Variants in PEPD observed in about 807,000 individuals in gnomAD.
PEPD encodes peptidase D, also known as xaa-Pro dipeptidase.
A neutral mutation model predicts 60.7 loss-of-function variants in PEPD; 53 were observed. That is an observed-to-expected ratio of 0.87 (90% CI 0.70 to 1.10). The LOEUF is 1.10. Among genes scored for constraint, PEPD ranks in the 50% least tolerant of loss-of-function variants. The probability of loss-of-function intolerance (pLI) is 0.00; values close to 1 mark genes in which losing one functional copy is unlikely to be tolerated. For synonymous variants in PEPD, 267 were observed against 284.1 expected (o/e 0.94, Z 0.60); for missense variants, 711 against 711.9 (o/e 1.00, Z 0.01).
In PEPD at chr19:33,411,705, G is replaced by T; in HGVS notation, c.785C>A (p.Pro262His). Residue 262 changes from proline to histidine, a missense_variant, in exon 11 of 15, where the codon CCC becomes CAC. Transcript: ENST00000244137. ...AVLHYGHAGA[P>H]NDRTIQNGDM... is the part of the protein sequence containing the mutation. ...CCCATTCTGGATCGTTCGGTCGTTGGGAGCTCCGGCGTGTCCGTAGTGTAG... is the reference window on the plus strand; with the variant it reads ...CCCATTCTGGATCGTTCGGTCGTTGTGAGCTCCGGCGTGTCCGTAGTGTAG... The T allele has an allele frequency of 6.2e-7, 1 of 1,611,422 alleles. No individual in the cohort carries two copies. The highest frequency in any genetic ancestry group is 2.2e-5 in the East Asian group (1 of 44,866).
intron 12 of PEPD, among the ~76,000 whole-genome samples, chr19:33,392,720 A>G (rs1968254591): frequency 6.6e-6 from 1 of 152,280 alleles, no homozygotes; most frequent in Middle Eastern, 3.4e-3. Flanking sequence ...CATGGTCCCG[A>G]TCACTGCTGT....
At chr19:33,428,837 G>A (rs73588234) in intron 9 of PEPD, among the ~76,000 whole-genome samples, 1,780 of 152,324 alleles carry the variant, frequency 0.012, 36 homozygotes, top group African/African-American at 0.04. Context: ...AAAGGGTAAC[G>A]GATGGCAGGA....
chr19:33,395,410 C>A (rs1315522997), intron 12 of PEPD, among the ~76,000 whole-genome samples: 1 of 152,172 alleles, frequency 6.6e-6, no homozygotes, highest in African/African-American at 2.4e-5. Flanking sequence ...CAGTGTTGTG[C>A]CCCATCCCCC....
chr19:33,469,385 C>A (rs933743183), intron 7 of PEPD, among the ~76,000 whole-genome samples: 1 of 152,198 alleles, frequency 6.6e-6, no homozygotes, highest in Non-Finnish European at 1.5e-5. Flanking sequence ...CAGGGGAACC[C>A]GCAGGAGGGC....
At chr19:33,440,622 C>T (rs1045706153) in intron 9 of PEPD, among the ~76,000 whole-genome samples, 6 of 152,164 alleles carry the variant, frequency 3.9e-5, no homozygotes, top group Admixed American at 6.5e-5. Context: ...CTTGACTGTC[C>T]GCTCTGTGCA....
At chr19:33,413,380 T>C (rs1329703713) in intron 10 of PEPD, among the ~76,000 whole-genome samples, 195 bp downstream of exon 10, 1 of 152,168 alleles carries the variant, frequency 6.6e-6, no homozygotes, top group African/African-American at 2.4e-5. Context: ...CAGTGCCAGG[T>C]CCTGCAGGCA....
intron 12 of PEPD, among the ~76,000 whole-genome samples, chr19:33,401,430 A>G (rs1848734533): frequency 6.6e-6 from 1 of 152,236 alleles, no homozygotes; most frequent in South Asian, 2.1e-4. Context: ...AGCAGGAGAC[A>G]GGCTGGCGTG....
chr19:33,451,115 G>A (rs1351839239), intron 9 of PEPD, among the ~76,000 whole-genome samples: 2 of 152,222 alleles, frequency 1.3e-5, no homozygotes, highest in Admixed American at 6.5e-5. Context: ...TGCAGGGGTA[G>A]TCACGGAGCT....
At chr19:33,512,868 G>A in intron 1 of PEPD, 92 bp from the exon 2 acceptor site, 1 of 1,422,382 alleles carries the variant, frequency 7.0e-7, no homozygotes, top group Non-Finnish European at 9.9e-7. Flanking sequence ...GGAGGCCCGA[G>A]CCTGCCGTGG....
intron 9 of PEPD, among the ~76,000 whole-genome samples, chr19:33,444,895 T>C (rs185206602): frequency 1.3e-5 from 2 of 152,236 alleles, no homozygotes; most frequent in East Asian, 3.9e-4. Context: ...CTGGACAACA[T>C]TTTATCACAG....
At chr19:33,489,935 T>C (rs1970465988) in intron 6 of PEPD, 61 bp downstream of exon 6, 2 of 935,598 alleles carry the variant, frequency 2.1e-6, no homozygotes, top group Non-Finnish European at 1.7e-6. Context: ...GGGAAAGACC[T>C]GCTAGTGAAG....
intron 3 of PEPD, among the ~76,000 whole-genome samples, chr19:33,507,997 A>G (rs1182534743): frequency 6.6e-6 from 1 of 152,034 alleles, no homozygotes; most frequent in Non-Finnish European, 1.5e-5. Context: ...TGACCTGCCC[A>G]GCATGTACAC....
At chr19:33,506,694 C>T (rs913324856) in intron 3 of PEPD, among the ~76,000 whole-genome samples, 1 of 148,460 alleles carries the variant, frequency 6.7e-6, no homozygotes, top group Admixed American at 6.7e-5. Context: ...CACACCCACA[C>T]ACAACACAGC....
intron 6 of PEPD, chr19:33,487,016 G>C (rs1268173420): frequency 6.6e-6 from 1 of 152,452 alleles, no homozygotes; most frequent in African/African-American, 2.4e-5. Flanking sequence ...CATCAGAGCA[G>C]TGAGAGGCAA....
rs369518286 is a variant in PEPD, at chr19:33,492,916, G to A, written c.441+374C>T. Reference sequence around the variant, plus strand: ...TTTTTGAGACAGGGTCCTGTCTGTGGCCCAGACTGGAGCACAGTGGCGCGA... The same window carrying A: ...TTTTTGAGACAGGGTCCTGTCTGTGACCCAGACTGGAGCACAGTGGCGCGA... On this transcript the variant is annotated intron_variant, in intron 5 of 14. Coordinates refer to ENST00000244137, the MANE Select transcript of PEPD (RefSeq NM_000285.4). Among the ~76,000 whole-genome samples, 56 of 152,150 alleles carry A rather than the reference G, an allele frequency of 3.7e-4. No homozygotes were observed. In the South Asian group the frequency reaches 0.011, roughly 30 times the overall value.
intron 9 of PEPD, among the ~76,000 whole-genome samples, chr19:33,425,802 C>T (rs906517959): frequency 7.2e-5 from 11 of 152,154 alleles, no homozygotes; most frequent in Non-Finnish European, 1.5e-4. Flanking sequence ...TGGGAGATCC[C>T]GCCTTAAGGC....
chr19:33,462,075 C>G (rs76748772), intron 9 of PEPD, among the ~76,000 whole-genome samples: 1 of 152,242 alleles, frequency 6.6e-6, no homozygotes, highest in Non-Finnish European at 1.5e-5. Context: ...CGACCTCGGC[C>G]CTGCACCCCA....
intron 7 of PEPD, among the ~76,000 whole-genome samples, chr19:33,472,837 C>T (rs1213330548): frequency 6.6e-5 from 10 of 152,100 alleles, no homozygotes; most frequent in East Asian, 3.9e-4. Flanking sequence ...GCCAGGTGGG[C>T]GGGAATTCAA....
chr19:33,454,655 G>T (rs1345101940), intron 9 of PEPD, among the ~76,000 whole-genome samples: 1 of 151,922 alleles, frequency 6.6e-6, no homozygotes, highest in Non-Finnish European at 1.5e-5. Flanking sequence ...AAAAAAAAAG[G>T]TTGAACAAAT....
Sources: gnomAD v4.1 joint callset for allele counts (sites outside exome capture counted in the v4.1 genomes callset) on GRCh38, gnomAD v4.1.1 for gene constraint, MANE v1.5 for transcripts, NCBI Gene and HGNC (gene_info 2026-07-23, HGNC 2026-07-21) for gene names.